STK32B: variants seen among roughly 807,000 people sequenced by gnomAD.
STK32B encodes the protein serine/threonine-protein kinase 32B.
In STK32B, 43 loss-of-function variants were observed where a neutral mutation model predicts 52.6. That is an observed-to-expected ratio of 0.82 (90% CI 0.64 to 1.05). STK32B has a LOEUF of 1.05. STK32B is among the 50% of genes least tolerant of loss of function. The pLI is 0.00. For synonymous variants in STK32B, 238 were observed against 204.3 expected (o/e 1.17, Z -1.41); for missense variants, 621 against 534.6 (o/e 1.16, Z -1.59).
chr4:5,459,939 A>G (rs546811891), intron 8 of STK32B, among the ~76,000 whole-genome samples, 164 bp from the exon 9 acceptor site: 2 of 152,322 alleles, frequency 1.3e-5, no homozygotes, highest in South Asian at 4.1e-4. Flanking sequence ...TAAAGAGATG[A>G]GTGCAGATGG....
At chr4:5,344,277 T>C (rs997487419) in intron 4 of STK32B, among the ~76,000 whole-genome samples, 2 of 152,246 alleles carry the variant, frequency 1.3e-5, no homozygotes, top group Non-Finnish European at 2.9e-5. Context: ...TCAGGCTTTT[T>C]TGATTAAAAT....
Position 5,479,035 on chromosome 4 carries a change from G to A in STK32B, c.1106+10965G>A, listed in dbSNP as rs113185785. The stretch of plus-strand genomic sequence containing the variant: ...GAGGTGGTGCAAAGCGGATCCAGGG[G>A]GAGGCAGGAGACAGTTAATCCCGGG... On this transcript the variant is annotated intron_variant, in intron 11 of 11. Transcript: ENST00000282908. Among the ~76,000 whole-genome samples the A allele has an allele frequency of 4.3e-3, 662 of 152,220 alleles. 6 individuals carry two copies. The highest frequency in any genetic ancestry group is 0.015 in the African/African-American group (616 of 41,524).
intron 6 of STK32B, among the ~76,000 whole-genome samples, chr4:5,431,518 T>TA (rs1553888469): frequency 6.6e-6 from 1 of 151,858 alleles, no homozygotes; most frequent in African/African-American, 2.4e-5. Context: ...TCCTTTTTTT[T>TA]TTTATTTACT....
At chr4:5,256,783 A>G (rs891020172) in intron 3 of STK32B, among the ~76,000 whole-genome samples, 6 of 152,304 alleles carry the variant, frequency 3.9e-5, no homozygotes, top group African/African-American at 1.4e-4. Flanking sequence ...CTTCTTGGAT[A>G]TATGCTCCAT....
chr4:5,319,143 G>C (rs1361961563), intron 3 of STK32B, among the ~76,000 whole-genome samples: 1 of 152,272 alleles, frequency 6.6e-6, no homozygotes, highest in Non-Finnish European at 1.5e-5. Flanking sequence ...TTATGTGTCA[G>C]TCACTTTTCC....
intron 1 of STK32B, among the ~76,000 whole-genome samples, chr4:5,081,279 G>A (rs1712410117): frequency 6.6e-6 from 1 of 151,996 alleles, no homozygotes; most frequent in Non-Finnish European, 1.5e-5. Context: ...CTTTTCTCTT[G>A]ATGCTTTCAA....
intron 2 of STK32B, among the ~76,000 whole-genome samples, chr4:5,142,107 A>G (rs151130279): frequency 0.038 from 5,813 of 152,304 alleles, 151 homozygotes; most frequent in Middle Eastern, 0.071. Flanking sequence ...GGGTGGGCAC[A>G]GAAAAGTGCC....
chr4:5,057,464 G>T (rs1742049486), intron 1 of STK32B, among the ~76,000 whole-genome samples: 1 of 152,162 alleles, frequency 6.6e-6, no homozygotes, highest in South Asian at 2.1e-4. Flanking sequence ...GTGTGACTCA[G>T]GATGTCACCA....
At chr4:5,475,424 CAA>C (rs34219344) in intron 11 of STK32B, among the ~76,000 whole-genome samples, 13 of 56,940 alleles carry the variant, frequency 2.3e-4, no homozygotes, top group East Asian at 6.2e-4. Context: ...GACTCCATCT[CAA>C]AAAAAAAAAA....
At chr4:5,457,116 A>C (rs1716600280) in intron 8 of STK32B, among the ~76,000 whole-genome samples, 193 bp downstream of exon 8, 1 of 151,054 alleles carries the variant, frequency 6.6e-6, no homozygotes, top group African/African-American at 2.4e-5. Flanking sequence ...CACACCTCGG[A>C]GGACTGTGGC....
Position 5,460,245 on chromosome 4 carries a change from C to T in STK32B, c.909+17C>T, listed in dbSNP as rs1716930963. On this transcript the variant is annotated intron_variant, in intron 9 of 11. Coordinates refer to ENST00000282908, the MANE Select transcript of STK32B (RefSeq NM_018401.3). The surrounding 1 kb of genome is among the most constrained non-coding windows in gnomAD (Gnocchi z 4.8). ...GTGCCCAATGTGAGTGGAAGTCCCA[C>T]CTGATGTCATGCCACCCCTCTGCAG... 7.5e-6 allele frequency: 12 copies of T among 1,602,212 alleles called. No individual in the cohort carries two copies. The highest frequency in any genetic ancestry group is 1.0e-5 in the Non-Finnish European group (12 of 1,173,938).
chr4:5,183,805 T>A (rs149292281), intron 3 of STK32B, among the ~76,000 whole-genome samples: 1 of 152,326 alleles, frequency 6.6e-6, no homozygotes, highest in Non-Finnish European at 1.5e-5. Flanking sequence ...TGGAAACAGC[T>A]TTTTTCCCCT....
chr4:5,224,552 C>T (rs570015590), intron 3 of STK32B, among the ~76,000 whole-genome samples: 1 of 152,304 alleles, frequency 6.6e-6, no homozygotes, highest in East Asian at 1.9e-4. Context: ...CTTGATATCA[C>T]ATATTTGCTG....
chr4:5,495,844 C>T (rs1720186282), intron 11 of STK32B, among the ~76,000 whole-genome samples: 1 of 152,224 alleles, frequency 6.6e-6, no homozygotes, highest in African/African-American at 2.4e-5. Flanking sequence ...AGGTCCACTC[C>T]AGACCCTGTT....
chr4:5,063,948 C>A (rs1050540277), intron 1 of STK32B, among the ~76,000 whole-genome samples: 4 of 152,004 alleles, frequency 2.6e-5, no homozygotes, highest in African/African-American at 9.7e-5. Context: ...AGTCATGTTT[C>A]TGGTTTTATG....
At chr4:5,315,916 G>A (rs886792293) in intron 3 of STK32B, among the ~76,000 whole-genome samples, 2 of 150,692 alleles carry the variant, frequency 1.3e-5, no homozygotes, top group East Asian at 3.9e-4. Flanking sequence ...TGTTGGCCAA[G>A]CTGATCTCGA....
intron 4 of STK32B, among the ~76,000 whole-genome samples, chr4:5,344,256 T>A (rs1005737378): frequency 6.6e-6 from 1 of 152,220 alleles, no homozygotes; most frequent in South Asian, 2.1e-4. Context: ...CAAAGTGGGT[T>A]TGGTACATTT....
intron 1 of STK32B, among the ~76,000 whole-genome samples, chr4:5,061,291 T>C (rs372917896): frequency 1.2e-4 from 19 of 152,206 alleles, no homozygotes; most frequent in African/African-American, 4.1e-4. Flanking sequence ...AACTTCTTAA[T>C]GTTATTCATT....
At chr4:5,160,907 C>G (rs189399177) in intron 2 of STK32B, among the ~76,000 whole-genome samples, 3 of 152,240 alleles carry the variant, frequency 2.0e-5, no homozygotes, top group Non-Finnish European at 2.9e-5. Context: ...CCTGTGAGCA[C>G]AGCCTGAAGG....
Sources: gnomAD v4.1 joint callset for allele counts (sites outside exome capture counted in the v4.1 genomes callset) on GRCh38, gnomAD v4.1.1 for gene constraint, Gnocchi (gnomAD v3.1) non-coding constraint, MANE v1.5 for transcripts, NCBI Gene and HGNC (gene_info 2026-07-23, HGNC 2026-07-21) for gene names.